Variants in DNAJB4 observed in about 807,000 individuals in gnomAD.
DNAJB4 encodes the protein dnaJ homolog subfamily B member 4.
A neutral mutation model predicts 26.6 loss-of-function variants in DNAJB4; 10 were observed. That is an observed-to-expected ratio of 0.38 (90% CI 0.23 to 0.64). The LOEUF is 0.64. Ranked by LOEUF, DNAJB4 falls within the 30% of genes least tolerant of loss-of-function variation. The probability of loss-of-function intolerance (pLI) is 0.58; values close to 1 mark genes in which losing one functional copy is unlikely to be tolerated. For missense variants in DNAJB4, 328 were observed against 408.2 expected, an observed-to-expected ratio of 0.80 and a Z score of 1.69; for synonymous variants, 136 against 134.8, an observed-to-expected ratio of 1.01 and a Z score of -0.06.
chr1:77,985,804 T>C (rs370403589), intron 1 of DNAJB4, among the ~76,000 whole-genome samples: 1 of 152,098 alleles, frequency 6.6e-6, no homozygotes, highest in South Asian at 2.1e-4. Flanking sequence ...ATTTATTCAA[T>C]TCAACAAAAA....
chr1:77,993,180 C>T (rs1043409025), intron 1 of DNAJB4, among the ~76,000 whole-genome samples: 4 of 152,160 alleles, frequency 2.6e-5, no homozygotes, highest in Non-Finnish European at 5.9e-5. Context: ...TGGTAAGGGC[C>T]AGACGGTAAC....
intron 1 of DNAJB4, among the ~76,000 whole-genome samples, chr1:78,006,839 G>A (rs1660341061): frequency 6.6e-6 from 1 of 152,118 alleles, no homozygotes; most frequent in South Asian, 2.1e-4. Flanking sequence ...GAGTAATTTT[G>A]TAATTTTGTA....
intron 1 of DNAJB4, chr1:77,981,073 C>T (rs1659621089): frequency 1.3e-5 from 2 of 151,866 alleles, no homozygotes; most frequent in South Asian, 2.1e-4. Flanking sequence ...TAATTTACCA[C>T]AGTGCTATAA....
intron 2 of DNAJB4, 73 bp from the exon 3 acceptor site, chr1:78,015,941 C>A: frequency 8.0e-7 from 1 of 1,246,760 alleles, no homozygotes; most frequent in South Asian, 1.4e-5. Flanking sequence ...TATCCTTTAC[C>A]ATCTGGTAAA....
chr1:77,985,324 C>G (rs1292121687), intron 1 of DNAJB4, among the ~76,000 whole-genome samples: 2 of 152,044 alleles, frequency 1.3e-5, no homozygotes, highest in Non-Finnish European at 2.9e-5. Flanking sequence ...TAGTAGTGAT[C>G]TCTTTGGAAT....
At chr1:78,001,883 A>G (rs1660203135), upstream of DNAJB4, among the ~76,000 whole-genome samples, 1 of 152,234 alleles carries the variant, frequency 6.6e-6, no homozygotes, top group Admixed American at 6.5e-5. Context: ...TAATCTTACC[A>G]ATGTTTGAGT....
chr1:77,988,037 C>A, intron 1 of DNAJB4, among the ~76,000 whole-genome samples: 1 of 133,150 alleles, frequency 7.5e-6, no homozygotes, highest in African/African-American at 2.7e-5. Flanking sequence ...GTATTTCCCC[C>A]CCCCCCCAGA....
chr1:78,016,299 G>A lies in DNAJB4; in HGVS notation c.*52G>A, dbSNP rs964538540. On this transcript the variant is annotated 3_prime_UTR_variant, in exon 3 of 3. Coordinates refer to ENST00000370763, the MANE Select transcript of DNAJB4 (RefSeq NM_007034.5). ...TGATAAGGCACTGAAAATATAAAAG[G>A]ACTGGTAGTTTACTGATGTAGATGT... 6 of 1,469,380 alleles carry A rather than the reference G, an allele frequency of 4.1e-6. No individual in the cohort carries two copies. Among genetic ancestry groups the A allele is most frequent in the Non-Finnish European group, 5.6e-6 (6 of 1,061,986 alleles). 91.0% of individuals were successfully genotyped at this position (1,469,380 alleles called of 1,614,324 possible). A position where few individuals can be genotyped will look rare whatever the true frequency, so the allele number is the denominator to read the frequency against.
rs1015274171 is a variant in DNAJB4, at chr1:78,006,013, A to G, written c.211+692A>G. 2.6e-5 allele frequency among the ~76,000 whole-genome samples: 4 copies of G among 152,346 alleles called. No homozygotes were observed. In the South Asian group the frequency reaches 6.2e-4, roughly 24 times the overall value. ...AAGAAAATGAAATCTCAGAAATACA[A>G]TTTTTGACCTAAAATGGCCACCTAG... On this transcript the variant is annotated intron_variant, in intron 1 of 2. Coordinates refer to ENST00000370763, the MANE Select transcript of DNAJB4 (RefSeq NM_007034.5).
intron 1 of DNAJB4, among the ~76,000 whole-genome samples, chr1:77,994,235 C>T (rs1443747508): frequency 6.6e-6 from 1 of 151,610 alleles, no homozygotes. Flanking sequence ...GACCCTATCT[C>T]TACAAAAGAA....
At chr1:77,991,392 T>C (rs756170473) in intron 1 of DNAJB4, among the ~76,000 whole-genome samples, 3 of 152,188 alleles carry the variant, frequency 2.0e-5, no homozygotes, top group Non-Finnish European at 4.4e-5. Flanking sequence ...CCAAAAGCAA[T>C]ACTTGAAATG....
intron 2 of DNAJB4, among the ~76,000 whole-genome samples, chr1:78,015,433 C>G (rs1660607691): frequency 1.5e-5 from 2 of 134,970 alleles, no homozygotes; most frequent in African/African-American, 2.7e-5. Flanking sequence ...TTCTCTTTTA[C>G]CTTTTCTTTT....
rs1358079731 is a variant in DNAJB4, at chr1:78,013,099, G to A, written c.260G>A (p.Arg87Gln). The A allele has an allele frequency of 4.3e-6, 7 of 1,613,814 alleles. No individual in the cohort carries two copies. The highest frequency in any genetic ancestry group is 2.7e-5 in the African/African-American group (2 of 75,028). Reference sequence around the variant, plus strand: ...ACTGATGGACAAGGAGGTACCTTCCGGTACACCTTTCATGGCGATCCTCAT... The same window carrying A: ...ACTGATGGACAAGGAGGTACCTTCCAGTACACCTTTCATGGCGATCCTCAT... ...GGTDGQGGTFRYTFHGDPHAT... is the reference protein window; with the variant it reads ...GGTDGQGGTFQYTFHGDPHAT... Residue 87 changes from arginine (R) to glutamine (Q), a missense_variant, in exon 2 of 3, where the codon CGG becomes CAG. By Grantham distance (43) the Arg-to-Gln change is conservative. Coordinates refer to ENST00000370763, the MANE Select transcript of DNAJB4 (RefSeq NM_007034.5).
At chr1:78,008,283 A>G (rs914988483) in intron 1 of DNAJB4, among the ~76,000 whole-genome samples, 10 of 152,350 alleles carry the variant, frequency 6.6e-5, no homozygotes, top group Middle Eastern at 3.4e-3. Flanking sequence ...ACACAAAGAC[A>G]TGTACCTGAA....
In DNAJB4 at chr1:78,005,228, C is replaced by T; in HGVS notation, c.118C>T (p.Gln40Ter). The change falls in exon 1 of 3, where the codon CAG becomes TAG. Residue 40 changes from glutamine to a stop codon, truncating the protein, a stop_gained. Coordinates refer to ENST00000370763, the MANE Select transcript of DNAJB4 (RefSeq NM_007034.5). LOFTEE classifies it high-confidence loss of function. ...KFHPDKNKSP[Q>*]AEEKFKEVAE... ...TCATCCGGACAAGAACAAATCTCCT[C>T]AGGCAGAGGAAAAATTTAAAGAGGT... 3 of 1,614,104 alleles carry T rather than the reference C, an allele frequency of 1.9e-6. No homozygotes were observed. The highest frequency in any genetic ancestry group is 2.5e-6 in the Non-Finnish European group (3 of 1,179,990).
intron 1 of DNAJB4, among the ~76,000 whole-genome samples, chr1:77,993,253 C>T (rs556352618): frequency 6.6e-6 from 1 of 152,114 alleles, no homozygotes; most frequent in African/African-American, 2.4e-5. Context: ...CGCTGTCTGG[C>T]AAAAGCAACA....
In DNAJB4 at chr1:78,016,792, G is replaced by A. The variant is rs1309640630; in HGVS notation, c.*545G>A. On this transcript the variant is annotated 3_prime_UTR_variant, in exon 3 of 3. Transcript: ENST00000370763. The stretch of plus-strand genomic sequence containing the variant: ...ATTTTGATTTTTAAAGTATGCTGTA[G>A]CATTTCTTAATAACATCGTTGTGAT... The A allele has an allele frequency of 1.3e-5, 2 of 152,290 alleles. No homozygotes were observed. The highest frequency in any genetic ancestry group is 2.4e-5 in the African/African-American group (1 of 41,460). 9.4% of individuals were successfully genotyped at this position (152,290 alleles called of 1,614,324 possible).
At chr1:78,013,689 T>A in intron 2 of DNAJB4, 70 bp downstream of exon 2, 1 of 1,223,160 alleles carries the variant, frequency 8.2e-7, no homozygotes, top group East Asian at 2.3e-5. Flanking sequence ...TGTATCTAGA[T>A]AATAGCTAAC....
At chr1:78,009,576 G>A (rs1484626484) in intron 1 of DNAJB4, among the ~76,000 whole-genome samples, 1 of 152,264 alleles carries the variant, frequency 6.6e-6, no homozygotes, top group East Asian at 1.9e-4. Context: ...ATTTCCATTA[G>A]CGTTCAAAAT....
Sources: allele counts gnomAD v4.1 joint callset (sites outside exome capture counted in the v4.1 genomes callset), GRCh38; gene constraint gnomAD v4.1.1; transcripts MANE v1.5; gene names NCBI Gene and HGNC (gene_info 2026-07-23, HGNC 2026-07-21).